ST6GALNAC3: variants seen among roughly 807,000 people sequenced by gnomAD.
ST6GALNAC3 encodes the protein alpha-N-acetylgalactosaminide alpha-2,6-sialyltransferase 3.
A neutral mutation model predicts 32.7 loss-of-function variants in ST6GALNAC3; 25 were observed. That is an observed-to-expected ratio of 0.76 (90% CI 0.56 to 1.07). The LOEUF (loss-of-function observed/expected upper bound fraction) is 1.07. Ranked by LOEUF, ST6GALNAC3 falls within the 50% of genes least tolerant of loss-of-function variation. ST6GALNAC3 has a pLI of 0.00. For synonymous variants in ST6GALNAC3, 129 were observed against 133.1 expected (o/e 0.97, Z 0.21); for missense variants, 355 against 382.4 (o/e 0.93, Z 0.60).
At chr1:76,193,415 C>A (rs1037745506) in intron 1 of ST6GALNAC3, among the ~76,000 whole-genome samples, 2 of 152,074 alleles carry the variant, frequency 1.3e-5, no homozygotes. Flanking sequence ...TCACATTAAG[C>A]CTCCCTTCTT....
intron 1 of ST6GALNAC3, among the ~76,000 whole-genome samples, chr1:76,311,158 T>C (rs149772007): frequency 7.9e-5 from 12 of 152,250 alleles, no homozygotes; most frequent in Admixed American, 3.9e-4. Context: ...ACCTCTGTCC[T>C]AGGCAATTGG....
At chr1:76,274,512 T>C (rs1365988017) in intron 1 of ST6GALNAC3, among the ~76,000 whole-genome samples, 1 of 152,130 alleles carries the variant, frequency 6.6e-6, no homozygotes, top group East Asian at 1.9e-4. Context: ...TCATTTCACA[T>C]CAGGAATCCA....
intron 3 of ST6GALNAC3, among the ~76,000 whole-genome samples, chr1:76,572,167 T>C (rs771615332): frequency 6.6e-6 from 1 of 152,092 alleles, no homozygotes; most frequent in African/African-American, 2.4e-5. Context: ...GGGGGAATGA[T>C]TGGCTTTATA....
rs1649226164 is a variant in ST6GALNAC3 at position 76,630,307 on chromosome 1, G to C, written c.*1501G>C. The C allele has an allele frequency of 1.0e-6, 1 of 985,012 alleles. No individual in the cohort carries two copies. The highest frequency in any genetic ancestry group is 1.2e-6 in the Non-Finnish European group (1 of 829,812). The allele number at this position is 985,012 out of a possible 1,614,324, so 61.0% of individuals were successfully genotyped here. A position where few individuals can be genotyped will look rare whatever the true frequency, so the allele number is the denominator to read the frequency against. ...CCCCTGTGAAAATAAGTAGTTTTGA[G>C]AAGTTTTTCTATATACGTATATATA... On this transcript the variant is annotated 3_prime_UTR_variant, in exon 5 of 5. Transcript: ENST00000328299.
intron 1 of ST6GALNAC3, among the ~76,000 whole-genome samples, chr1:76,182,347 GA>G (rs1653237390): frequency 6.6e-6 from 1 of 152,164 alleles, no homozygotes; most frequent in South Asian, 2.1e-4. Context: ...GATAAGTCTA[GA>G]CAATAGTCTT....
At chr1:76,306,224 G>T (rs887769418) in intron 1 of ST6GALNAC3, among the ~76,000 whole-genome samples, 8 of 152,010 alleles carry the variant, frequency 5.3e-5, no homozygotes, top group African/African-American at 1.9e-4. Flanking sequence ...AGCACTCAGG[G>T]AAAATAAAGC....
At chr1:76,568,793 G>A (rs1022692419) in intron 3 of ST6GALNAC3, among the ~76,000 whole-genome samples, 5 of 152,122 alleles carry the variant, frequency 3.3e-5, no homozygotes, top group African/African-American at 1.2e-4. Flanking sequence ...TCAAAGCAAA[G>A]TCATCCTGGG....
chr1:76,336,936 A>G (rs1021716440), intron 2 of ST6GALNAC3, among the ~76,000 whole-genome samples: 1 of 152,164 alleles, frequency 6.6e-6, no homozygotes, highest in African/African-American at 2.4e-5. Context: ...TTTGTGAACA[A>G]CAGCTGCATT....
chr1:76,399,668 G>T (rs1000306032), intron 2 of ST6GALNAC3, among the ~76,000 whole-genome samples: 2 of 152,156 alleles, frequency 1.3e-5, no homozygotes, highest in Non-Finnish European at 2.9e-5. Context: ...AGATTCATTT[G>T]AGGATAATTT....
intron 1 of ST6GALNAC3, among the ~76,000 whole-genome samples, chr1:76,233,551 G>A (rs1377451294): frequency 6.6e-6 from 1 of 152,170 alleles, no homozygotes; most frequent in Non-Finnish European, 1.5e-5. Context: ...TGGTTGGACA[G>A]TTTTTAAAGC....
intron 1 of ST6GALNAC3, among the ~76,000 whole-genome samples, chr1:76,134,893 A>G (rs915664775): frequency 2.6e-5 from 4 of 152,248 alleles, no homozygotes; most frequent in Non-Finnish European, 5.9e-5. Context: ...CTGTAATCCC[A>G]GCACTTTGGG....
chr1:76,294,157 A>G (rs1660257239), intron 1 of ST6GALNAC3, among the ~76,000 whole-genome samples: 1 of 152,150 alleles, frequency 6.6e-6, no homozygotes, highest in African/African-American at 2.4e-5. Flanking sequence ...ACTATTCAGT[A>G]TTTAAATACA....
chr1:76,276,952 A>G (rs1659167316), intron 1 of ST6GALNAC3, among the ~76,000 whole-genome samples: 1 of 152,048 alleles, frequency 6.6e-6, no homozygotes, highest in Admixed American at 6.6e-5. Context: ...TTTTTATTTC[A>G]TCTTTTGTGA....
intron 1 of ST6GALNAC3, among the ~76,000 whole-genome samples, chr1:76,182,636 G>C (rs1406052912): frequency 2.0e-5 from 3 of 152,110 alleles, no homozygotes; most frequent in Non-Finnish European, 4.4e-5. Context: ...ATGTAAATTG[G>C]AGATGATTCT....
At chr1:76,424,969 G>C (rs1655270323) in intron 3 of ST6GALNAC3, among the ~76,000 whole-genome samples, 2 of 151,940 alleles carry the variant, frequency 1.3e-5, no homozygotes, top group South Asian at 4.1e-4. Flanking sequence ...TATATTCGTA[G>C]CTGAAATCTC....
At chr1:76,226,790 A>C (rs578092070) in intron 1 of ST6GALNAC3, among the ~76,000 whole-genome samples, 34 of 152,232 alleles carry the variant, frequency 2.2e-4, no homozygotes, top group African/African-American at 7.7e-4. Context: ...GTACTAAACT[A>C]TTCAGGGAGG....
At chr1:76,174,062 G>T (rs7528649) in intron 1 of ST6GALNAC3, among the ~76,000 whole-genome samples, 1 of 151,950 alleles carries the variant, frequency 6.6e-6, no homozygotes, top group Non-Finnish European at 1.5e-5. Flanking sequence ...CACTATTTAC[G>T]ATAGCAAAGA....
At chr1:76,480,234 A>T (rs895829222) in intron 3 of ST6GALNAC3, among the ~76,000 whole-genome samples, 1 of 152,242 alleles carries the variant, frequency 6.6e-6, no homozygotes, top group Admixed American at 6.5e-5. Flanking sequence ...AGTTATCACT[A>T]TCAATAATCA....
intron 1 of ST6GALNAC3, among the ~76,000 whole-genome samples, chr1:76,202,311 T>C (rs1222273494): frequency 2.1e-5 from 3 of 143,126 alleles, no homozygotes; most frequent in South Asian, 4.7e-4. Context: ...TGTATGTACA[T>C]ACACACATAT....
Sources: allele counts gnomAD v4.1 joint callset (sites outside exome capture counted in the v4.1 genomes callset), GRCh38; gene constraint gnomAD v4.1.1; transcripts MANE v1.5; gene names NCBI Gene and HGNC (gene_info 2026-07-23, HGNC 2026-07-21).